Variants in ARHGAP9 observed in about 807,000 individuals in gnomAD.
The protein encoded by ARHGAP9 is rho GTPase-activating protein 9.
In ARHGAP9, 76 loss-of-function variants were observed where a neutral mutation model predicts 87.3. That is an observed-to-expected ratio of 0.87 (90% CI 0.72 to 1.05). The LOEUF is 1.05. Among genes scored for constraint, ARHGAP9 ranks in the 50% least tolerant of loss-of-function variants. The pLI is 0.00. For synonymous variants in ARHGAP9, 382 were observed against 394.9 expected (o/e 0.97, Z 0.39); for missense variants, 941 against 960.5 (o/e 0.98, Z 0.27).
At chr12:57,486,799 G>A (rs1222884979) in intron 1 of ARHGAP9, among the ~76,000 whole-genome samples, 1 of 148,292 alleles carries the variant, frequency 6.7e-6, no homozygotes, top group Admixed American at 6.7e-5. Context: ...GCAGGAGAAT[G>A]GCGTGAACCC....
Position 57,474,784 on chromosome 12 carries a change from G to A in ARHGAP9, c.1652-81C>T, listed in dbSNP as rs376277809. ...GGGATATAAGGGTGGAGAGAAAAAG[G>A]GCAGTAGGAAGACTAGGTAGAATGG... On this transcript the variant is annotated intron_variant, in intron 13 of 17. Transcript: ENST00000393791. 105 of 1,605,164 alleles carry A rather than the reference G, an allele frequency of 6.5e-5. 1 individual carries two copies. The East Asian group carries it at 1.9e-3, about 29-fold the overall frequency.
chr12:57,476,757 G>A, intron 6 of ARHGAP9, 106 bp from the exon 7 acceptor site: 1 of 1,551,844 alleles, frequency 6.4e-7, no homozygotes, highest in South Asian at 1.1e-5. Flanking sequence ...AAGTTGCTGG[G>A]GGAGGGCTGG....
intron 14 of ARHGAP9, 68 bp downstream of exon 14, chr12:57,474,558 T>G: frequency 6.2e-7 from 1 of 1,613,128 alleles, no homozygotes; most frequent in Non-Finnish European, 8.5e-7. Flanking sequence ...AGCTTCCTCA[T>G]GTAGGACCGC....
At position 57,476,142 on chromosome 12, in the gene ARHGAP9, T is replaced by G; in HGVS notation, c.1141A>C (p.Ser381Arg). 4.5e-6 allele frequency: 7 copies of G among 1,543,152 alleles called. No individual in the cohort carries two copies. Among genetic ancestry groups the G allele is most frequent in the Non-Finnish European group, 6.1e-6 (7 of 1,143,866 alleles). ...GWGPAGSRPESSVDLRGAALA... is the reference protein window; with the variant it reads ...GWGPAGSRPERSVDLRGAALA... Reference sequence around the variant, plus strand: ...GCCGCCCCGCGCAGGTCCACGCTACTTTCGGGCCGGCTACCCGCTGGTCCC... The same window carrying G: ...GCCGCCCCGCGCAGGTCCACGCTACGTTCGGGCCGGCTACCCGCTGGTCCC... The change falls in exon 9 of 18, where the codon AGT (serine) becomes CGT (arginine). Residue 381 changes from serine to arginine, a missense_variant. Ser to Arg is a moderately radical substitution (Grantham distance 110, BLOSUM62 -1). Transcript: ENST00000393791.
intron 5 of ARHGAP9, 94 bp from the exon 6 acceptor site, chr12:57,477,057 G>C (rs758762972): frequency 2.7e-6 from 4 of 1,504,100 alleles, no homozygotes; most frequent in Admixed American, 3.4e-5. Flanking sequence ...GGTGAGAGGT[G>C]GGGGGTGTGG....
At chr12:57,478,059 C>G (rs1040169036) in intron 3 of ARHGAP9, 3 of 781,308 alleles carry the variant, frequency 3.8e-6, no homozygotes, top group Non-Finnish European at 5.1e-6. Context: ...GAAGAGGAGC[C>G]CCTTTCCACC....
rs1873956753 is a variant in ARHGAP9 at position 57,476,944 on chromosome 12, T to C, written c.890A>G (p.Gln297Arg). 2.5e-6 allele frequency: 4 copies of C among 1,610,922 alleles called. No individual in the cohort carries two copies. The highest frequency in any genetic ancestry group is 3.4e-6 in the Non-Finnish European group (4 of 1,179,392). ...TGGAGGGTCAAGCTGCGAGGTGCGT[T>C]GGCTGAGGCTGAGTGAACCCTAGGG... ...LDPQGSLSLS[Q>R]RTSQLDPPAL... Residue 297 changes from glutamine (Q) to arginine (R), a missense_variant, in exon 6 of 18, where the codon CAA (glutamine) becomes CGA (arginine). By Grantham distance (43) the Gln-to-Arg change is conservative. Transcript: ENST00000393791.
At chr12:57,473,793 A>G (rs1031411787) in intron 16 of ARHGAP9, 85 bp from the exon 17 acceptor site, 1 of 1,288,934 alleles carries the variant, frequency 7.8e-7, no homozygotes, top group Non-Finnish European at 1.1e-6. Context: ...TCTTTCCCAC[A>G]GGCATGGAAG....
At position 57,475,512 on chromosome 12, in the gene ARHGAP9, A is replaced by G. The variant is rs1594770612; in HGVS notation, c.1415T>C (p.Leu472Pro). Residue 472 changes from leucine (L) to proline (P), a missense_variant, in exon 11 of 18, where the codon CTG becomes CCG. Physicochemically the swap from Leu to Pro is moderately conservative, Grantham distance 98. Coordinates refer to ENST00000393791, the MANE Select transcript of ARHGAP9 (RefSeq NM_032496.4). ...GCTCCGGCGGCTGCTGAGGCGCAGCAGCGGCTTGGACACCAGCTCCGACTC... is the reference window on the plus strand; with the variant it reads ...GCTCCGGCGGCTGCTGAGGCGCAGCGGCGGCTTGGACACCAGCTCCGACTC... ...EEESELVSKP[L>P]LRLSSRRSSI... The G allele has an allele frequency of 6.2e-7, 1 of 1,604,568 alleles. No homozygotes were observed. The highest frequency in any genetic ancestry group is 8.5e-7 in the Non-Finnish European group (1 of 1,176,754).
At chr12:57,476,678 TA>T (rs1252574836) in intron 6 of ARHGAP9, 27 bp from the exon 7 acceptor site, 3 of 1,568,290 alleles carry the variant, frequency 1.9e-6, no homozygotes, top group Non-Finnish European at 2.6e-6. Flanking sequence ...ATGGGATCTG[TA>T]AGTCACCCTC....
chr12:57,479,312 G>A lies in ARHGAP9; in HGVS notation c.95C>T (p.Ala32Val), dbSNP rs1406234187. The change falls in exon 2 of 18, where the codon GCC (alanine) becomes GTC (valine). Residue 32 changes from alanine (A) to valine (V), a missense_variant. Physicochemically the swap from Ala to Val is moderately conservative, Grantham distance 64 (BLOSUM62 0). Transcript: ENST00000393791. ...GCCATCTGCCCCAGTATAAGTAAAG[G>A]CATAGAGGGCACAGAGCTGGGATCC... ...PRGSQLCALY[A>V]FTYTGADGQQ... 1.2e-6 allele frequency: 2 copies of A among 1,614,208 alleles called. No homozygotes were observed. The highest frequency in any genetic ancestry group is 1.7e-6 in the Non-Finnish European group (2 of 1,180,030).
chr12:57,474,561 AG>A, intron 14 of ARHGAP9, 64 bp downstream of exon 14: 1 of 1,613,028 alleles, frequency 6.2e-7, no homozygotes, highest in East Asian at 2.2e-5. Context: ...TTCCTCATGT[AG>A]GACCGCCCAT....
At position 57,479,541 on chromosome 12, in the gene ARHGAP9, TGGG is replaced by T. The variant is rs926681795; in HGVS notation, c.-18-120_-18-118del. 2.7e-5 allele frequency: 41 copies of T among 1,491,654 alleles called. No homozygotes were observed. The Admixed American group carries it at 7.7e-4, about 28-fold the overall frequency. 92.4% of individuals were successfully genotyped at this position (1,491,654 alleles called of 1,614,324 possible). Reference sequence around the variant, plus strand: ...GAGGTGAGGACGGGAGCCCTTGAGTTGGGGGAGAGGGTAGAGCAAACAGCCTGG... The same window carrying T: ...GAGGTGAGGACGGGAGCCCTTGAGTTGGAGAGGGTAGAGCAAACAGCCTGG... On this transcript the variant is annotated intron_variant, in intron 1 of 17. Transcript: ENST00000393791.
Position 57,478,557 on chromosome 12 carries a change from C to T in ARHGAP9, c.517G>A (p.Glu173Lys). Residue 173 changes from glutamate to lysine, a missense_variant, in exon 3 of 18, where the codon GAA (glutamate) becomes AAA (lysine). By Grantham distance (56) the Glu-to-Lys change is moderately conservative (BLOSUM62 1). Transcript: ENST00000393791. Reference sequence around the variant, plus strand: ...TGACTCACTGTGCTGGCACTGGCTTCTGACGGCAAGTCTTCCTGGGAGAGG... The same window carrying T: ...TGACTCACTGTGCTGGCACTGGCTTTTGACGGCAAGTCTTCCTGGGAGAGG... ...RSLSQEDLPS[E>K]ASASTAGPQP... is the part of the protein sequence containing the mutation. 6.2e-7 allele frequency: 1 copy of T among 1,614,110 alleles called. No individual in the cohort carries two copies.
upstream of ARHGAP9, among the ~76,000 whole-genome samples, chr12:57,481,998 T>C (rs1875048798): frequency 2.6e-5 from 4 of 152,322 alleles, no homozygotes; most frequent in Middle Eastern, 6.8e-3. Flanking sequence ...TCTAATCCAC[T>C]GTCCACCAGA....
chr12:57,474,344 T>G, intron 15 of ARHGAP9, 79 bp downstream of exon 15: 6 of 1,585,566 alleles, frequency 3.8e-6, no homozygotes, highest in Non-Finnish European at 5.2e-6. Context: ...CTCCCAGGAA[T>G]AGTACATGGG....
chr12:57,478,984 G>C, intron 2 of ARHGAP9, 107 bp downstream of exon 2: 1 of 1,386,648 alleles, frequency 7.2e-7, no homozygotes, highest in Non-Finnish European at 9.9e-7. Context: ...AAGATGGTTA[G>C]CAGAAGCTTG....
At chr12:57,477,291 T>C (rs1284408703) in intron 4 of ARHGAP9, 22 bp from the exon 5 acceptor site, 1 of 1,540,852 alleles carries the variant, frequency 6.5e-7, no homozygotes, top group African/African-American at 1.4e-5. Flanking sequence ...GAGGAGGAAA[T>C]AAAGCTACAT....
intron 12 of ARHGAP9, 110 bp downstream of exon 12, chr12:57,475,180 TG>T: frequency 8.1e-7 from 1 of 1,241,240 alleles, no homozygotes; most frequent in Non-Finnish European, 1.1e-6. Flanking sequence ...CTAAACAATC[TG>T]GGGTAGTGGG....
Sources: allele counts gnomAD v4.1 joint callset (sites outside exome capture counted in the v4.1 genomes callset), GRCh38; gene constraint gnomAD v4.1.1; transcripts MANE v1.5; gene names NCBI Gene and HGNC (gene_info 2026-07-23, HGNC 2026-07-21).